BAIAP2L1: variants seen among roughly 807,000 people sequenced by gnomAD.
BAIAP2L1 encodes the protein BAR/IMD domain containing adaptor protein 2 like 1, also known as BAR/IMD domain-containing adapter protein 2-like 1.
BAIAP2L1 carries 35 observed loss-of-function variants against 66.3 expected under a neutral mutation model. The ratio of observed to expected loss-of-function variants is 0.53; its 90% CI spans 0.40 to 0.70. The LOEUF (loss-of-function observed/expected upper bound fraction) is 0.70. BAIAP2L1 is among the 30% of genes least tolerant of loss of function. The pLI, the probability that BAIAP2L1 is intolerant of heterozygous loss-of-function variation, is 0.00. For synonymous variants in BAIAP2L1, 269 were observed against 248.7 expected (o/e 1.08, Z -0.77); for missense variants, 622 against 656.9 (o/e 0.95, Z 0.58).
intron 3 of BAIAP2L1, among the ~76,000 whole-genome samples, chr7:98,343,642 CTT>C (rs1211528859): frequency 6.6e-6 from 1 of 152,142 alleles, no homozygotes; most frequent in African/African-American, 2.4e-5. Flanking sequence ...AATCCAGACA[CTT>C]AGCTAGCTGG....
chr7:98,374,880 G>T (rs1427725259), intron 1 of BAIAP2L1, among the ~76,000 whole-genome samples: 1 of 151,972 alleles, frequency 6.6e-6, no homozygotes, highest in Non-Finnish European at 1.5e-5. Flanking sequence ...GAGGTCAGGG[G>T]TTCAAGACCA....
chr7:98,297,296 TC>T (rs1482206766), intron 12 of BAIAP2L1, among the ~76,000 whole-genome samples: 1 of 152,314 alleles, frequency 6.6e-6, no homozygotes, highest in African/African-American at 2.4e-5. Flanking sequence ...GTACGGAGCT[TC>T]CAGGGTGCCC....
chr7:98,343,044 C>T (rs978424528), intron 3 of BAIAP2L1, among the ~76,000 whole-genome samples: 1 of 151,712 alleles, frequency 6.6e-6, no homozygotes, highest in African/African-American at 2.4e-5. Context: ...TTTAGGTACA[C>T]CCACTGACAA....
At chr7:98,378,961 C>A (rs569161274) in intron 1 of BAIAP2L1, among the ~76,000 whole-genome samples, 1 of 152,290 alleles carries the variant, frequency 6.6e-6, no homozygotes, top group South Asian at 2.1e-4. Context: ...TCCCGAGTAG[C>A]TGGGACTACA....
intron 6 of BAIAP2L1, among the ~76,000 whole-genome samples, chr7:98,316,033 T>C (rs1801066897): frequency 6.6e-6 from 1 of 152,146 alleles, no homozygotes; most frequent in Non-Finnish European, 1.5e-5. Flanking sequence ...GTAATTCCTA[T>C]GTGTTTGGGG....
At chr7:98,369,488 A>G (rs1802461093) in intron 1 of BAIAP2L1, among the ~76,000 whole-genome samples, 1 of 152,072 alleles carries the variant, frequency 6.6e-6, no homozygotes, top group Non-Finnish European at 1.5e-5. Context: ...GAAAAATAAA[A>G]AATTCATATG....
intron 3 of BAIAP2L1, among the ~76,000 whole-genome samples, chr7:98,353,699 C>T (rs1382555033): frequency 6.9e-6 from 1 of 144,814 alleles, no homozygotes; most frequent in African/African-American, 2.6e-5. Flanking sequence ...GTGGCTCACA[C>T]CTGTAATCTC....
In BAIAP2L1 at chr7:98,362,545, A is replaced by G. The variant is rs1802295194; in HGVS notation, c.52-113T>C. 7.7e-6 allele frequency: 6 copies of G among 779,014 alleles called. 1 individual carries two copies. The Admixed American group carries it at 1.6e-4, about 20-fold the overall frequency. The allele number at this position is 779,014 out of a possible 1,614,324, so 48.3% of individuals were successfully genotyped here. Reference sequence around the variant, plus strand: ...CTATGGATGCCTAACAGCACAGTCTACAAAGTAATGAATGCTGATGTAAAA... The same window carrying G: ...CTATGGATGCCTAACAGCACAGTCTGCAAAGTAATGAATGCTGATGTAAAA... On this transcript the variant is annotated intron_variant, in intron 1 of 13. Transcript: ENST00000005260.
chr7:98,326,890 A>G (rs1801391306), intron 3 of BAIAP2L1, among the ~76,000 whole-genome samples: 1 of 152,206 alleles, frequency 6.6e-6, no homozygotes, highest in Non-Finnish European at 1.5e-5. Flanking sequence ...AAAATTAACT[A>G]CACAGTGTAG....
In BAIAP2L1 at chr7:98,305,047, GTTTTTTT is replaced by G. The variant is rs59633894; in HGVS notation, c.1242-678_1242-672del. On this transcript the variant is annotated intron_variant, in intron 11 of 13. Transcript: ENST00000005260. ...CGCCCAGCTAATTTTTTTGTTTTTTGTTTTTTTTTTTTTTTTTTTTTTTAGTAGAGAC... is the reference window on the plus strand; with the variant it reads ...CGCCCAGCTAATTTTTTTGTTTTTTGTTTTTTTTTTTTTTTTAGTAGAGAC... Among the ~76,000 whole-genome samples the G allele has an allele frequency of 2.4e-3, 237 of 100,380 alleles. 1 individual carries two copies. Among genetic ancestry groups the G allele is most frequent in the East Asian group, 3.9e-3 (11 of 2,806 alleles). The allele number at this position is 100,380 out of a possible 152,430, so 65.9% of individuals were successfully genotyped here. A position where few individuals can be genotyped will look rare whatever the true frequency, so the allele number is the denominator to read the frequency against.
In BAIAP2L1 at chr7:98,306,427, G is replaced by T. The variant is rs201317801; in HGVS notation, c.1241+12C>A. 2.2e-5 allele frequency: 35 copies of T among 1,614,156 alleles called. No individual in the cohort carries two copies. Among genetic ancestry groups the T allele is most frequent in the Non-Finnish European group, 3.0e-5 (35 of 1,179,998 alleles). ...TCTGTCACCGGGAGAGCTCAGCCAC[G>T]TTCAGGGCTACCTTGGCGTGGGCAC... On this transcript the variant is annotated intron_variant, in intron 11 of 13. Transcript: ENST00000005260.
At chr7:98,295,788 G>A (rs910170974) in intron 12 of BAIAP2L1, among the ~76,000 whole-genome samples, 5 of 152,152 alleles carry the variant, frequency 3.3e-5, no homozygotes, top group African/African-American at 1.2e-4. Context: ...AGCTTGTTCA[G>A]AGCCTCCTGG....
Position 98,304,465 on chromosome 7 carries a change from G to C in BAIAP2L1, c.1242-89C>G. 1.5e-5 allele frequency: 19 copies of C among 1,295,328 alleles called. 1 individual carries two copies. Among genetic ancestry groups the C allele is most frequent in the Non-Finnish European group, 1.1e-6 (1 of 914,866 alleles). 80.2% of individuals were successfully genotyped at this position (1,295,328 alleles called of 1,614,324 possible). A position where few individuals can be genotyped will look rare whatever the true frequency, so the allele number is the denominator to read the frequency against. ...TCTGTGTCCCTGACCAAGGACAACA[G>C]TAATAGTACATCACCAATCAAAACC... On this transcript the variant is annotated intron_variant, in intron 11 of 13. Coordinates refer to ENST00000005260, the MANE Select transcript of BAIAP2L1 (RefSeq NM_018842.5).
chr7:98,386,202 A>T, intron 1 of BAIAP2L1: 5 of 1,513,570 alleles, frequency 3.3e-6, no homozygotes. Context: ...AACCATCGGT[A>T]GTCTTGACAT....
At chr7:98,293,948 T>C (rs1326692650) in intron 13 of BAIAP2L1, 126 bp downstream of exon 13, 8 of 1,127,036 alleles carry the variant, frequency 7.1e-6, no homozygotes, top group East Asian at 2.4e-5. Context: ...CACTCCCCCA[T>C]GGCTCCACAG....
At chr7:98,302,260 C>T (rs1036212190) in intron 12 of BAIAP2L1, among the ~76,000 whole-genome samples, 3 of 152,202 alleles carry the variant, frequency 2.0e-5, no homozygotes, top group Admixed American at 6.5e-5. Context: ...ACGATAAATA[C>T]GCTGACAATG....
At position 98,332,749 on chromosome 7, in the gene BAIAP2L1, C is replaced by T. The variant is rs1437766948; in HGVS notation, c.215-12451G>A. ...ACTTGAACCTGGGAGGCAGAGGTTGCAGTGAGCCGAGATCACGCCGCTGCA... is the reference window on the plus strand; with the variant it reads ...ACTTGAACCTGGGAGGCAGAGGTTGTAGTGAGCCGAGATCACGCCGCTGCA... On this transcript the variant is annotated intron_variant, in intron 3 of 13. Coordinates refer to ENST00000005260, the MANE Select transcript of BAIAP2L1 (RefSeq NM_018842.5). Among the ~76,000 whole-genome samples, 4 of 141,284 alleles carry T rather than the reference C, an allele frequency of 2.8e-5. No individual in the cohort carries two copies. In the East Asian group the frequency reaches 6.2e-4, roughly 22 times the overall value. 92.7% of individuals were successfully genotyped at this position (141,284 alleles called of 152,430 possible).
Position 98,304,245 on chromosome 7 carries a change from G to A in BAIAP2L1, c.1373C>T (p.Thr458Met), listed in dbSNP as rs763359639. 22 of 1,613,122 alleles carry A rather than the reference G, an allele frequency of 1.4e-5. No individual in the cohort carries two copies. Among genetic ancestry groups the A allele is most frequent in the African/African-American group, 2.7e-5 (2 of 74,924 alleles). ...AADRRADSARTTSTFKAPASK... is the reference protein window; with the variant it reads ...AADRRADSARMTSTFKAPASK... ...CGCTGGGGCCTTAAAGGTGGATGTC[G>A]TCCTGGCCGAATCTGCTCTCCTGTC... The change falls in exon 12 of 14, where the codon ACG (threonine) becomes ATG (methionine). Residue 458 changes from threonine (T) to methionine (M), a missense_variant. Transcript: ENST00000005260.
chr7:98,364,018 CTTTT>C (rs34058753), intron 1 of BAIAP2L1, among the ~76,000 whole-genome samples: 3 of 149,450 alleles, frequency 2.0e-5, no homozygotes, highest in Admixed American at 6.7e-5. Context: ...TTTGAATATT[CTTTT>C]TTTTTTTAAA....
Sources: gnomAD v4.1 joint callset for allele counts (sites outside exome capture counted in the v4.1 genomes callset) on GRCh38, gnomAD v4.1.1 for gene constraint, MANE v1.5 for transcripts, NCBI Gene and HGNC (gene_info 2026-07-23, HGNC 2026-07-21) for gene names.